Variants in MSH3 observed in about 807,000 individuals in gnomAD.
The protein encoded by MSH3 is DNA mismatch repair protein Msh3.
MSH3 carries 106 observed loss-of-function variants against 123.3 expected under a neutral mutation model. The observed-to-expected ratio is 0.86, with a 90% CI of 0.73 to 1.01. The LOEUF (loss-of-function observed/expected upper bound fraction) is 1.01. Among genes scored for constraint, MSH3 ranks in the 50% least tolerant of loss-of-function variants. The probability of loss-of-function intolerance (pLI) is 0.00; values close to 1 mark genes in which losing one functional copy is unlikely to be tolerated. For missense variants in MSH3, 1,459 were observed against 1,347.6 expected (o/e 1.08, Z -1.29); for synonymous variants, 515 against 481.4 (o/e 1.07, Z -0.91).
chr5:80,685,487 T>C (rs1022065965), intron 8 of MSH3, among the ~76,000 whole-genome samples: 1 of 152,108 alleles, frequency 6.6e-6, no homozygotes, highest in Non-Finnish European at 1.5e-5. Flanking sequence ...AATGATCCTT[T>C]GAATTCCTGT....
intron 12 of MSH3, among the ~76,000 whole-genome samples, chr5:80,755,538 A>C (rs1331432957): frequency 6.6e-6 from 1 of 152,200 alleles, no homozygotes; most frequent in East Asian, 1.9e-4. Flanking sequence ...CTGTGGTTTT[A>C]ATGTCATAAA....
At chr5:80,780,219 T>G (rs765280419) in intron 17 of MSH3, among the ~76,000 whole-genome samples, 1 of 152,194 alleles carries the variant, frequency 6.6e-6, no homozygotes. Flanking sequence ...ATTTCTGTAG[T>G]GTAAACACTC....
chr5:80,682,233 C>A (rs969054462), intron 8 of MSH3, among the ~76,000 whole-genome samples: 12 of 152,102 alleles, frequency 7.9e-5, no homozygotes, highest in African/African-American at 2.7e-4. Flanking sequence ...AAAACTAGCT[C>A]TTCCCTTTAG....
At position 80,684,759 on chromosome 5, in the gene MSH3, C is replaced by T. The variant is rs963526974; in HGVS notation, c.1340+5666C>T. Among the ~76,000 whole-genome samples, 5 of 152,010 alleles carry T rather than the reference C, an allele frequency of 3.3e-5. No homozygotes were observed. The East Asian group carries it at 9.6e-4, about 29-fold the overall frequency. On this transcript the variant is annotated intron_variant, in intron 8 of 23. Coordinates refer to ENST00000265081, the MANE Select transcript of MSH3 (RefSeq NM_002439.5). ...TTATCGTACTTAGAGGAAAGGCTTG[C>T]AATATTTCTCAATTCAGTATGATAA...
At chr5:80,801,548 TC>T (rs1178131862) in intron 19 of MSH3, among the ~76,000 whole-genome samples, 1 of 152,184 alleles carries the variant, frequency 6.6e-6, no homozygotes, top group Non-Finnish European at 1.5e-5. Flanking sequence ...TTTGACATCC[TC>T]AAATCCTGGG....
chr5:80,788,215 C>G (rs990785925), intron 18 of MSH3, among the ~76,000 whole-genome samples: 5 of 152,106 alleles, frequency 3.3e-5, no homozygotes, highest in African/African-American at 9.7e-5. Flanking sequence ...GCAGGCAGAT[C>G]ACGAGGTTAA....
intron 8 of MSH3, 133 bp downstream of exon 8, chr5:80,679,226 T>TAA: frequency 1.0e-6 from 1 of 981,524 alleles, no homozygotes; most frequent in Non-Finnish European, 1.5e-6. Context: ...TAGTGGAAAT[T>TAA]TAAAAAAAAA....
At chr5:80,670,810 C>G (rs1376037111) in intron 4 of MSH3, among the ~76,000 whole-genome samples, 1 of 152,110 alleles carries the variant, frequency 6.6e-6, no homozygotes, top group Non-Finnish European at 1.5e-5. Flanking sequence ...TGTCAGTCAA[C>G]TTGGTGTCTT....
intron 10 of MSH3, among the ~76,000 whole-genome samples, chr5:80,732,749 A>G (rs1743434182): frequency 6.6e-6 from 1 of 152,198 alleles, no homozygotes; most frequent in African/African-American, 2.4e-5. Context: ...CTGGAAGCCA[A>G]TCAATGTAAT....
chr5:80,720,269 G>T (rs1173618940), intron 8 of MSH3, among the ~76,000 whole-genome samples: 2 of 152,020 alleles, frequency 1.3e-5, no homozygotes, highest in East Asian at 3.9e-4. Context: ...ATTTCCCCAG[G>T]TATGTGATGT....
intron 12 of MSH3, among the ~76,000 whole-genome samples, chr5:80,753,443 C>T (rs1374592476): frequency 6.6e-6 from 1 of 152,104 alleles, no homozygotes; most frequent in Non-Finnish European, 1.5e-5. Context: ...TTATGGGGGC[C>T]TACTCTCAAA....
chr5:80,708,484 G>T (rs907301563), intron 8 of MSH3, among the ~76,000 whole-genome samples: 14 of 151,948 alleles, frequency 9.2e-5, no homozygotes, highest in African/African-American at 3.1e-4. Context: ...TAGAGACAGG[G>T]TCTCGCTTTT....
intron 12 of MSH3, among the ~76,000 whole-genome samples, chr5:80,747,116 G>A (rs1439465463): frequency 6.6e-6 from 1 of 152,168 alleles, no homozygotes; most frequent in African/African-American, 2.4e-5. Context: ...ATGGCTTTCT[G>A]TGGACAACAG....
At chr5:80,737,132 G>A (rs949895918) in intron 10 of MSH3, among the ~76,000 whole-genome samples, 2 of 152,094 alleles carry the variant, frequency 1.3e-5, no homozygotes, top group African/African-American at 2.4e-5. Flanking sequence ...CTGAAGTTTT[G>A]TAATATAGTA....
chr5:80,844,668 T>C (rs1745687364), intron 20 of MSH3, among the ~76,000 whole-genome samples: 1 of 152,210 alleles, frequency 6.6e-6, no homozygotes, highest in Admixed American at 6.5e-5. Context: ...CTTCTTTGTC[T>C]CTTTTGATCT....
chr5:80,699,423 G>A (rs1272142321), intron 8 of MSH3, among the ~76,000 whole-genome samples: 3 of 151,854 alleles, frequency 2.0e-5, no homozygotes, highest in Non-Finnish European at 4.4e-5. Context: ...GTTGGGTGTG[G>A]TGTCAGCACC....
intron 8 of MSH3, among the ~76,000 whole-genome samples, chr5:80,718,839 T>C (rs554199200): frequency 6.6e-6 from 1 of 152,316 alleles, no homozygotes; most frequent in East Asian, 1.9e-4. Context: ...GCAGTTGTTA[T>C]TCTTCCCAGT....
rs1744631770 is a variant in MSH3, at chr5:80,792,822, T to A, written c.2633T>A (p.Val878Asp). ...DVLLGEQDQYVPNNTDLSEDS... is the reference protein window; with the variant it reads ...DVLLGEQDQYDPNNTDLSEDS... ...TTGCTGGGAGAACAGGATCAATATG[T>A]CCCAAATAATACAGATTTATCAGTA... Residue 878 changes from valine (V) to aspartate (D), a missense_variant, in exon 19 of 24, where the codon GTC (valine) becomes GAC (aspartate). Transcript: ENST00000265081. 1.2e-6 allele frequency: 2 copies of A among 1,610,532 alleles called. No homozygotes were observed. The highest frequency in any genetic ancestry group is 2.7e-5 in the African/African-American group (2 of 74,850).
At chr5:80,726,338 C>T (rs907936386) in intron 9 of MSH3, among the ~76,000 whole-genome samples, 14 of 152,180 alleles carry the variant, frequency 9.2e-5, no homozygotes, top group African/African-American at 3.4e-4. Context: ...TCATCAGCTC[C>T]CCATCACTGC....
Sources: allele counts gnomAD v4.1 joint callset (sites outside exome capture counted in the v4.1 genomes callset), GRCh38; gene constraint gnomAD v4.1.1; transcripts MANE v1.5; gene names NCBI Gene and HGNC (gene_info 2026-07-23, HGNC 2026-07-21).